The following STX17 variants were observed in gnomAD, a reference collection of about 807,000 sequenced individuals.
The protein encoded by STX17 is syntaxin-17.
Under a neutral mutation model 35.9 loss-of-function variants are expected in STX17, and 29 were observed. That is an observed-to-expected ratio of 0.81 (90% confidence interval 0.60 to 1.10). The LOEUF is 1.10. Among genes scored for constraint, STX17 ranks in the 50% least tolerant of loss-of-function variants. The pLI is 0.00. For missense variants in STX17, 312 were observed against 352.3 expected (o/e 0.89, Z 0.92); for synonymous variants, 92 against 118.3 (o/e 0.78, Z 1.44).
At chr9:99,920,293 T>C (rs1267314345) in intron 2 of STX17, among the ~76,000 whole-genome samples, 1 of 152,208 alleles carries the variant, frequency 6.6e-6, no homozygotes, top group Non-Finnish European at 1.5e-5. Context: ...TATACAGATA[T>C]GCGTGGAAGG....
chr9:99,926,222 C>T (rs79410406), intron 2 of STX17, among the ~76,000 whole-genome samples: 2,730 of 151,816 alleles, frequency 0.018, 85 homozygotes, highest in African/African-American at 0.062. Flanking sequence ...TTTTCTTCTA[C>T]CTTCTTAAAT....
At chr9:99,923,200 G>A (rs1258091119) in intron 2 of STX17, among the ~76,000 whole-genome samples, 1 of 151,872 alleles carries the variant, frequency 6.6e-6, no homozygotes, top group Non-Finnish European at 1.5e-5. Context: ...GTGTTGCTGG[G>A]GTTTGATGTA....
intron 6 of STX17, among the ~76,000 whole-genome samples, chr9:99,964,781 T>A (rs1211803865): frequency 6.6e-6 from 1 of 152,114 alleles, no homozygotes; most frequent in African/African-American, 2.4e-5. Context: ...GTGACCCAAT[T>A]CAGCTCTGTA....
intron 3 of STX17, among the ~76,000 whole-genome samples, chr9:99,929,576 G>A (rs1829067489): frequency 6.6e-6 from 1 of 151,628 alleles, no homozygotes; most frequent in Non-Finnish European, 1.5e-5. Flanking sequence ...TGTGTAGACT[G>A]ATATTTCTTG....
At chr9:99,918,196 C>T (rs1587912269) in intron 2 of STX17, among the ~76,000 whole-genome samples, 2 of 152,312 alleles carry the variant, frequency 1.3e-5, no homozygotes, top group South Asian at 2.1e-4. Context: ...GTGGTGCAAT[C>T]ATAGCTCACT....
intron 2 of STX17, among the ~76,000 whole-genome samples, chr9:99,924,387 C>A (rs1051672174): frequency 1.3e-5 from 2 of 151,806 alleles, no homozygotes; most frequent in Non-Finnish European, 2.9e-5. Flanking sequence ...GGACAAAGAC[C>A]AATGTATATA....
chr9:99,927,469 TTTTA>T (rs1326015037), intron 2 of STX17, among the ~76,000 whole-genome samples: 2 of 152,174 alleles, frequency 1.3e-5, no homozygotes, highest in African/African-American at 4.8e-5. Context: ...TTTAAAATAT[TTTTA>T]TTTATTTATT....
chr9:99,927,652 C>T (rs1564061923), intron 2 of STX17, among the ~76,000 whole-genome samples: 1 of 151,776 alleles, frequency 6.6e-6, no homozygotes, highest in African/African-American at 2.4e-5. Flanking sequence ...TTTTTTTGTA[C>T]TTTTAGTAGA....
chr9:99,952,409 A>G (rs1428098732), intron 4 of STX17, among the ~76,000 whole-genome samples: 9 of 152,188 alleles, frequency 5.9e-5, no homozygotes, highest in Admixed American at 2.6e-4. Flanking sequence ...TGGAGAAATA[A>G]GAACACTTTT....
At chr9:99,943,131 G>A (rs976964994) in intron 3 of STX17, among the ~76,000 whole-genome samples, 4 of 151,636 alleles carry the variant, frequency 2.6e-5, no homozygotes, top group South Asian at 4.2e-4. Flanking sequence ...TTGTTTGTTC[G>A]TTTGTTTGTT....
At chr9:99,944,396 A>C (rs1019839829) in intron 3 of STX17, among the ~76,000 whole-genome samples, 2 of 151,948 alleles carry the variant, frequency 1.3e-5, no homozygotes, top group African/African-American at 4.8e-5. Context: ...TCAGTCTACT[A>C]ATTTTCAACC....
chr9:99,956,286 G>C (rs1036332932), intron 4 of STX17, among the ~76,000 whole-genome samples: 4 of 152,028 alleles, frequency 2.6e-5, no homozygotes, highest in Admixed American at 6.6e-5. Flanking sequence ...TTTAGATTAA[G>C]TATTAATATA....
intron 3 of STX17, 152 bp from the exon 4 acceptor site, chr9:99,950,908 G>A: frequency 1.4e-6 from 1 of 729,518 alleles, no homozygotes; most frequent in Non-Finnish European, 2.1e-6. Flanking sequence ...TGGCCAGCCA[G>A]AGACATGGAA....
At chr9:99,950,873 A>G (rs949794708) in intron 3 of STX17, among the ~76,000 whole-genome samples, 187 bp from the exon 4 acceptor site, 69 of 152,058 alleles carry the variant, frequency 4.5e-4, no homozygotes, top group African/African-American at 1.6e-3. Flanking sequence ...AAGTATGAGC[A>G]TGTGGGTTCC....
chr9:99,941,254 GAT>G (rs1373916039), intron 3 of STX17, among the ~76,000 whole-genome samples: 3 of 152,140 alleles, frequency 2.0e-5, no homozygotes. Context: ...TGGCCTTGAG[GAT>G]ATATGACAAA....
At chr9:99,917,653 G>A (rs1828801792) in intron 2 of STX17, among the ~76,000 whole-genome samples, 1 of 152,156 alleles carries the variant, frequency 6.6e-6, no homozygotes, top group South Asian at 2.1e-4. Context: ...TGATTAGAAT[G>A]TAATCCTGAA....
intron 2 of STX17, among the ~76,000 whole-genome samples, chr9:99,927,166 A>G (rs934847946): frequency 6.6e-6 from 1 of 152,148 alleles, no homozygotes; most frequent in African/African-American, 2.4e-5. Context: ...TCTCTGATCC[A>G]TGAATTCTGA....
intron 3 of STX17, chr9:99,945,622 G>A (rs1829465567): frequency 4.2e-6 from 1 of 235,498 alleles, no homozygotes; most frequent in Non-Finnish European, 8.6e-6. Flanking sequence ...TCACCTTATT[G>A]TGTGCTATTT....
In STX17 at chr9:99,968,497, G is replaced by T; in HGVS notation, c.733G>T (p.Gly245Cys). 6.2e-7 allele frequency: 1 copy of T among 1,611,490 alleles called. No homozygotes were observed. Among genetic ancestry groups the T allele is most frequent in the Non-Finnish European group, 8.5e-7 (1 of 1,178,594 alleles). ...TGCACTCATCGGGGGAATGGTAGGG[G>T]GTCCTATTGGCCTCCTTGCAGGCTT... is the stretch of plus-strand genomic sequence containing the variant. ...AGALIGGMVGGPIGLLAGFKV... is the reference protein window; with the variant it reads ...AGALIGGMVGCPIGLLAGFKV... Residue 245 changes from glycine to cysteine, a missense_variant, in exon 8 of 8, where the codon GGT (glycine) becomes TGT (cysteine). Gly to Cys is a radical substitution (Grantham distance 159, BLOSUM62 -3). Transcript: ENST00000259400.
Sources: allele counts gnomAD v4.1 joint callset (sites outside exome capture counted in the v4.1 genomes callset), GRCh38; gene constraint gnomAD v4.1.1; transcripts MANE v1.5; gene names NCBI Gene and HGNC (gene_info 2026-07-23, HGNC 2026-07-21).